LRMDA: variants seen among roughly 807,000 people sequenced by gnomAD.
LRMDA encodes leucine-rich melanocyte differentiation-associated protein.
Under a neutral mutation model 29.8 loss-of-function variants are expected in LRMDA, and 18 were observed. The observed-to-expected ratio is 0.60, with a 90% CI of 0.42 to 0.90. The LOEUF is 0.90. LRMDA is among the 40% of genes least tolerant of loss of function. The pLI, the probability that LRMDA is intolerant of heterozygous loss-of-function variation, is 0.00. For missense variants in LRMDA, 273 were observed against 273.9 expected, an observed-to-expected ratio of 1.00 and a Z score of 0.02; for synonymous variants, 125 against 109.4, an observed-to-expected ratio of 1.14 and a Z score of -0.89.
At chr10:76,051,064 A>G (rs1475193247) in intron 4 of LRMDA, among the ~76,000 whole-genome samples, 2 of 152,278 alleles carry the variant, frequency 1.3e-5, no homozygotes, top group East Asian at 3.9e-4. Context: ...GTTCCCCTGC[A>G]TGGAGCAGCC....
At position 75,744,440 on chromosome 10, in the gene LRMDA, G is replaced by A. The variant is rs371451732; in HGVS notation, c.132-291568G>A. Reference sequence around the variant, plus strand: ...AAAACACAGTCCTTTTATTCTCAGTGTTTTTGCTTTCATGGACCTTGCATC... The same window carrying A: ...AAAACACAGTCCTTTTATTCTCAGTATTTTTGCTTTCATGGACCTTGCATC... On this transcript the variant is annotated intron_variant, in intron 2 of 6. Coordinates refer to ENST00000611255, the MANE Select transcript of LRMDA (RefSeq NM_001305581.2). 3.9e-4 allele frequency among the ~76,000 whole-genome samples: 60 copies of A among 152,296 alleles called. No homozygotes were observed. In the South Asian group the frequency reaches 0.012, roughly 32 times the overall value.
At chr10:75,974,561 A>G (rs1406787433) in intron 2 of LRMDA, among the ~76,000 whole-genome samples, 3 of 152,224 alleles carry the variant, frequency 2.0e-5, no homozygotes, top group Non-Finnish European at 2.9e-5. Context: ...ACTAAGGGCC[A>G]GGCCTATTCT....
intron 2 of LRMDA, among the ~76,000 whole-genome samples, chr10:75,811,376 C>T (rs1381579758): frequency 1.3e-5 from 2 of 152,110 alleles, no homozygotes; most frequent in Non-Finnish European, 2.9e-5. Context: ...AAGTTAGGCT[C>T]CTCCTCTAGT....
intron 2 of LRMDA, among the ~76,000 whole-genome samples, chr10:75,906,898 A>G (rs1845768458): frequency 6.6e-6 from 1 of 152,184 alleles, no homozygotes; most frequent in Admixed American, 6.5e-5. Context: ...GGTAATTGAG[A>G]CACCGGGGCT....
chr10:76,275,446 C>T (rs1840119430), intron 5 of LRMDA, among the ~76,000 whole-genome samples: 1 of 151,864 alleles, frequency 6.6e-6, no homozygotes, highest in African/African-American at 2.4e-5. Context: ...TATTTTCTGT[C>T]ACATTAATTG....
At chr10:75,887,709 C>G (rs1032094275) in intron 2 of LRMDA, among the ~76,000 whole-genome samples, 1 of 152,132 alleles carries the variant, frequency 6.6e-6, no homozygotes, top group Non-Finnish European at 1.5e-5. Context: ...ACAGAAAAAG[C>G]TTGGTGACCT....
intron 2 of LRMDA, among the ~76,000 whole-genome samples, chr10:75,721,609 A>G (rs1421674146): frequency 1.3e-5 from 2 of 152,202 alleles, no homozygotes; most frequent in African/African-American, 2.4e-5. Flanking sequence ...GAATGCAAGC[A>G]GCCCTGCCGA....
At chr10:76,415,030 C>T (rs1225133421) in intron 6 of LRMDA, among the ~76,000 whole-genome samples, 1 of 152,270 alleles carries the variant, frequency 6.6e-6, no homozygotes, top group Non-Finnish European at 1.5e-5. Flanking sequence ...TCCGCCACAA[C>T]TCTTTGCCCA....
chr10:76,219,804 A>G (rs1035672491), intron 5 of LRMDA, among the ~76,000 whole-genome samples: 27 of 152,200 alleles, frequency 1.8e-4, no homozygotes, highest in African/African-American at 6.5e-4. Flanking sequence ...CCAAATCAAC[A>G]GAGTATACAT....
At chr10:76,519,570 GT>G (rs1843098273) in intron 6 of LRMDA, among the ~76,000 whole-genome samples, 2 of 152,128 alleles carry the variant, frequency 1.3e-5, no homozygotes, top group African/African-American at 2.4e-5. Flanking sequence ...GGTTTGGCTT[GT>G]TTTAAGATTT....
chr10:76,196,744 A>G (rs2132227772), intron 5 of LRMDA, among the ~76,000 whole-genome samples: 1 of 152,370 alleles, frequency 6.6e-6, no homozygotes, highest in African/African-American at 2.4e-5. Flanking sequence ...GTAGTGCATT[A>G]CATGCATGCA....
At chr10:75,657,092 C>T (rs1456588478) in intron 2 of LRMDA, among the ~76,000 whole-genome samples, 2 of 152,284 alleles carry the variant, frequency 1.3e-5, no homozygotes, top group East Asian at 1.9e-4. Flanking sequence ...ATGGTCAAAA[C>T]ATATTGGGTA....
chr10:76,390,098 A>T (rs922761594), intron 6 of LRMDA, among the ~76,000 whole-genome samples: 1 of 152,198 alleles, frequency 6.6e-6, no homozygotes, highest in African/African-American at 2.4e-5. Context: ...CCATTTTACA[A>T]TCCTACCAAC....
chr10:75,675,855 C>G (rs1841954040), intron 2 of LRMDA, among the ~76,000 whole-genome samples: 1 of 152,178 alleles, frequency 6.6e-6, no homozygotes, highest in South Asian at 2.1e-4. Flanking sequence ...GAAATCTGAT[C>G]TATTCCGCAA....
chr10:76,232,582 G>A (rs974774971), intron 5 of LRMDA, among the ~76,000 whole-genome samples: 1 of 152,196 alleles, frequency 6.6e-6, no homozygotes, highest in Non-Finnish European at 1.5e-5. Context: ...GAGACCTCTG[G>A]CCAGCGATGC....
chr10:76,065,673 T>C (rs1048648248), intron 5 of LRMDA, among the ~76,000 whole-genome samples: 1 of 152,262 alleles, frequency 6.6e-6, no homozygotes, highest in Non-Finnish European at 1.5e-5. Context: ...GTCCTGCCTC[T>C]GCAACCCAAC....
chr10:76,271,147 C>A (rs1840063695), intron 5 of LRMDA, among the ~76,000 whole-genome samples: 1 of 152,214 alleles, frequency 6.6e-6, no homozygotes, highest in South Asian at 2.1e-4. Flanking sequence ...GCGGCTCACG[C>A]CTGTAATCCC....
intron 2 of LRMDA, among the ~76,000 whole-genome samples, chr10:75,901,645 A>G (rs1307304908): frequency 6.6e-6 from 1 of 152,236 alleles, no homozygotes. Context: ...GCTTCAAGTC[A>G]AAGTGCAAAA....
intron 5 of LRMDA, among the ~76,000 whole-genome samples, chr10:76,227,941 C>T (rs1013059845): frequency 1.3e-5 from 2 of 151,996 alleles, no homozygotes; most frequent in Admixed American, 1.3e-4. Flanking sequence ...AATTTTGACT[C>T]AGCATTCCAG....
Sources: allele counts gnomAD v4.1 joint callset (sites outside exome capture counted in the v4.1 genomes callset), GRCh38; gene constraint gnomAD v4.1.1; transcripts MANE v1.5; gene names NCBI Gene and HGNC (gene_info 2026-07-23, HGNC 2026-07-21).